Variants in SPAG16 observed in about 807,000 individuals in gnomAD.
SPAG16 encodes sperm-associated antigen 16 protein.
In SPAG16, 86 loss-of-function variants were observed where a neutral mutation model predicts 80.4. The observed-to-expected ratio is 1.07, with a 90% CI of 0.90 to 1.28. SPAG16 has a LOEUF of 1.28. Ranked by LOEUF, SPAG16 falls within the 50% of genes most tolerant of loss-of-function variation. The pLI, the probability that SPAG16 is intolerant of heterozygous loss-of-function variation, is 0.00. For synonymous variants in SPAG16, 294 were observed against 265.9 expected (o/e 1.11, Z -1.03); for missense variants, 870 against 765.3 (o/e 1.14, Z -1.61).
At chr2:213,724,768 C>A (rs371091790) in intron 10 of SPAG16, among the ~76,000 whole-genome samples, 3 of 92,918 alleles carry the variant, frequency 3.2e-5, no homozygotes, top group African/African-American at 1.2e-4. Flanking sequence ...CAGAGTGAGA[C>A]TCTGTCTCAA....
At chr2:213,913,613 A>ATATGTATATGTACATGTACATG (rs2077798451) in intron 11 of SPAG16, among the ~76,000 whole-genome samples, 2 of 8,576 alleles carry the variant, frequency 2.3e-4, no homozygotes, top group African/African-American at 3.5e-4. Context: ...ACATGTACAT[A>ATATGTATATGTACATGTACATG]TATGTATATG....
chr2:213,318,127 A>G (rs2063477073), intron 5 of SPAG16: 1 of 152,092 alleles, frequency 6.6e-6, no homozygotes, highest in Middle Eastern at 3.4e-3. Context: ...ATGATATCTC[A>G]TTGTGGTTTT....
At chr2:213,355,483 T>A (rs1332307866) in intron 7 of SPAG16, among the ~76,000 whole-genome samples, 1 of 152,244 alleles carries the variant, frequency 6.6e-6, no homozygotes, top group Non-Finnish European at 1.5e-5. Flanking sequence ...ATATTGATTG[T>A]TCCTATCCGT....
chr2:214,010,998 A>C (rs1290758332), intron 12 of SPAG16, among the ~76,000 whole-genome samples: 1 of 146,044 alleles, frequency 6.8e-6, no homozygotes, highest in Non-Finnish European at 1.5e-5. Flanking sequence ...AGATAGTGAT[A>C]GATCTTGTCT....
chr2:213,806,413 A>G (rs1052289737), intron 10 of SPAG16, among the ~76,000 whole-genome samples: 3 of 152,186 alleles, frequency 2.0e-5, no homozygotes, highest in African/African-American at 7.2e-5. Context: ...AACAATTTGG[A>G]TATTTGTAAT....
intron 15 of SPAG16, among the ~76,000 whole-genome samples, chr2:214,274,803 G>C (rs930025216): frequency 1.3e-5 from 2 of 152,130 alleles, no homozygotes; most frequent in Non-Finnish European, 2.9e-5. Flanking sequence ...GAATGATGCT[G>C]GCCTTGTAAA....
At chr2:213,371,888 A>G (rs1335539998) in intron 8 of SPAG16, among the ~76,000 whole-genome samples, 1 of 152,148 alleles carries the variant, frequency 6.6e-6, no homozygotes, top group Non-Finnish European at 1.5e-5. Flanking sequence ...TACAAAGATA[A>G]TATTAATGCT....
intron 9 of SPAG16, among the ~76,000 whole-genome samples, chr2:213,465,195 A>T (rs2072611057): frequency 6.6e-6 from 1 of 152,166 alleles, no homozygotes; most frequent in Non-Finnish European, 1.5e-5. Flanking sequence ...TCTCTTCCAG[A>T]TCATGGCATG....
intron 14 of SPAG16, among the ~76,000 whole-genome samples, chr2:214,123,303 G>A (rs531004035): frequency 6.6e-6 from 1 of 151,882 alleles, no homozygotes; most frequent in African/African-American, 2.4e-5. Flanking sequence ...TAGTCAAATG[G>A]AGTTCATTTC....
intron 15 of SPAG16, among the ~76,000 whole-genome samples, chr2:214,367,937 C>G (rs999934371): frequency 6.6e-6 from 1 of 152,060 alleles, no homozygotes; most frequent in Non-Finnish European, 1.5e-5. Context: ...ATTCTCTGAC[C>G]TATATCTTGA....
Position 213,310,118 on chromosome 2 carries a change from C to T in SPAG16, c.339C>T (p.Leu113=). The change falls in exon 4 of 16, where the codon CTC becomes CTT. Residue 113 remains leucine, a synonymous_variant. Coordinates refer to ENST00000331683, the MANE Select transcript of SPAG16 (RefSeq NM_024532.5). Reference sequence around the variant, plus strand: ...TACCTGAAGTAATAGAAGACTTTCTCTGCAATTTCTTGATCAAAATGGGAA... The same window carrying T: ...TACCTGAAGTAATAGAAGACTTTCTTTGCAATTTCTTGATCAAAATGGGAA... ...HAVPEVIEDF[L]CNFLIKMGMT... is the part of the protein sequence containing the mutation. The T allele has an allele frequency of 1.2e-6, 2 of 1,612,110 alleles. No homozygotes were observed. Among genetic ancestry groups the T allele is most frequent in the Non-Finnish European group, 1.7e-6 (2 of 1,178,782 alleles).
At chr2:213,509,687 T>C (rs1223437174) in intron 10 of SPAG16, among the ~76,000 whole-genome samples, 2 of 152,118 alleles carry the variant, frequency 1.3e-5, no homozygotes, top group African/African-American at 2.4e-5. Context: ...GGGAAATTTA[T>C]AGCACTAAAT....
At chr2:213,990,949 G>A (rs2046248715) in intron 12 of SPAG16, among the ~76,000 whole-genome samples, 1 of 152,102 alleles carries the variant, frequency 6.6e-6, no homozygotes, top group Non-Finnish European at 1.5e-5. Flanking sequence ...TACAGGGATG[G>A]CAGCAGGTAT....
At chr2:214,169,746 T>G (rs1445427781) in intron 15 of SPAG16, among the ~76,000 whole-genome samples, 1 of 152,108 alleles carries the variant, frequency 6.6e-6, no homozygotes, top group Non-Finnish European at 1.5e-5. Context: ...AAACTTTCAG[T>G]TAAATGTGGT....
intron 10 of SPAG16, among the ~76,000 whole-genome samples, chr2:213,716,189 T>G (rs1485552811): frequency 1.3e-5 from 2 of 152,174 alleles, no homozygotes; most frequent in African/African-American, 4.8e-5. Flanking sequence ...TTTTTCAAAT[T>G]AATAAATTGA....
At chr2:214,231,372 A>G (rs9808551) in intron 15 of SPAG16, among the ~76,000 whole-genome samples, 16,931 of 152,040 alleles carry the variant, frequency 0.11, 1,142 homozygotes, top group East Asian at 0.19. Context: ...TATGTCAGAT[A>G]TGAAGTAGTA....
At chr2:213,348,143 T>G (rs1287195486) in intron 6 of SPAG16, among the ~76,000 whole-genome samples, 2 of 152,206 alleles carry the variant, frequency 1.3e-5, no homozygotes, top group African/African-American at 2.4e-5. Context: ...TGTAATGGCC[T>G]TCTTTGTCTC....
chr2:214,188,337 T>C (rs572975274), intron 15 of SPAG16, among the ~76,000 whole-genome samples: 1 of 152,302 alleles, frequency 6.6e-6, no homozygotes, highest in Non-Finnish European at 1.5e-5. Context: ...ATTCCACACA[T>C]TTATAAAGCA....
At chr2:213,752,712 A>G (rs2068133807) in intron 10 of SPAG16, among the ~76,000 whole-genome samples, 1 of 152,226 alleles carries the variant, frequency 6.6e-6, no homozygotes, top group African/African-American at 2.4e-5. Context: ...AAAGCTACAC[A>G]GTACACTAAA....
Sources: allele counts gnomAD v4.1 joint callset (sites outside exome capture counted in the v4.1 genomes callset), GRCh38; gene constraint gnomAD v4.1.1; transcripts MANE v1.5; gene names NCBI Gene and HGNC (gene_info 2026-07-23, HGNC 2026-07-21).